Variants in PTPRD observed in about 807,000 individuals in gnomAD.
PTPRD encodes protein tyrosine phosphatase receptor type D.
A neutral mutation model predicts 214.5 loss-of-function variants in PTPRD; 34 were observed. That is an observed-to-expected ratio of 0.16 (90% CI 0.12 to 0.21). The LOEUF (loss-of-function observed/expected upper bound fraction) is 0.21, where lower values mean the gene tolerates loss of function less well. PTPRD is among the 10% of genes least tolerant of loss of function. The pLI, the probability that PTPRD is intolerant of heterozygous loss-of-function variation, is 1.00. For missense variants in PTPRD, 2,545 were observed against 2,398.7 expected, an observed-to-expected ratio of 1.06 and a Z score of -1.27; for synonymous variants, 1,128 against 845.7, an observed-to-expected ratio of 1.33 and a Z score of -5.79.
chr9:9,493,418 T>A lies in PTPRD; in HGVS notation c.-237+81314A>T, dbSNP rs142954463. On this transcript the variant is annotated intron_variant, in intron 8 of 45. Coordinates refer to ENST00000381196, the MANE Select transcript of PTPRD (RefSeq NM_002839.4). ...TACAAATATATGAATGTTGTTTTCA[T>A]GGCTGGTACCACAATAACCATTCTG... Among the ~76,000 whole-genome samples, 629 of 152,302 alleles carry A rather than the reference T, an allele frequency of 4.1e-3. 7 individuals are homozygous for A. Among genetic ancestry groups the A allele is most frequent in the African/African-American group, 0.014 (576 of 41,576 alleles).
intron 11 of PTPRD, among the ~76,000 whole-genome samples, chr9:8,955,369 G>C (rs1251926864): frequency 2.0e-5 from 3 of 151,822 alleles, no homozygotes; most frequent in Non-Finnish European, 2.9e-5. Flanking sequence ...GTCCTACTCA[G>C]AGGTGTCCCT....
chr9:9,294,790 T>C (rs1272818045), intron 9 of PTPRD, among the ~76,000 whole-genome samples: 3 of 151,694 alleles, frequency 2.0e-5, no homozygotes, highest in Admixed American at 6.6e-5. Context: ...TATTTTGTTA[T>C]GGTAGCCTGA....
chr9:10,487,016 T>G (rs1295462552), intron 2 of PTPRD, among the ~76,000 whole-genome samples: 1 of 152,330 alleles, frequency 6.6e-6, no homozygotes, highest in East Asian at 1.9e-4. Flanking sequence ...TTAAAACTGT[T>G]ATATCCTCTT....
intron 3 of PTPRD, among the ~76,000 whole-genome samples, chr9:10,335,720 T>C (rs924086954): frequency 4.6e-5 from 7 of 151,716 alleles, no homozygotes; most frequent in African/African-American, 1.7e-4. Flanking sequence ...TTATCTAAAA[T>C]ATACAAAGAA....
chr9:9,468,540 A>C (rs1248493048), intron 8 of PTPRD, among the ~76,000 whole-genome samples: 1 of 151,800 alleles, frequency 6.6e-6, no homozygotes. Context: ...TCTTTTTCTA[A>C]CTTCTTGATT....
At chr9:9,562,873 T>C (rs893506734) in intron 8 of PTPRD, among the ~76,000 whole-genome samples, 15 of 152,152 alleles carry the variant, frequency 9.9e-5, no homozygotes, top group African/African-American at 3.6e-4. Context: ...GATTATTCTA[T>C]CACCATCTCT....
intron 9 of PTPRD, among the ~76,000 whole-genome samples, chr9:9,340,067 G>T (rs1011198217): frequency 6.6e-6 from 1 of 152,120 alleles, no homozygotes; most frequent in Non-Finnish European, 1.5e-5. Context: ...AAGAGAGATA[G>T]ATAAATGGCA....
At chr9:8,997,626 C>A (rs998110266) in intron 11 of PTPRD, among the ~76,000 whole-genome samples, 1 of 152,010 alleles carries the variant, frequency 6.6e-6, no homozygotes, top group African/African-American at 2.4e-5. Context: ...AAATTATGCC[C>A]ATTAATAACC....
chr9:10,388,759 C>T (rs1047089432), intron 2 of PTPRD, among the ~76,000 whole-genome samples: 1 of 151,722 alleles, frequency 6.6e-6, no homozygotes, highest in Non-Finnish European at 1.5e-5. Context: ...TAGTTTCTTC[C>T]TCTTTAAAAG....
chr9:10,073,305 A>C lies in PTPRD; in HGVS notation c.-544-39515T>G, dbSNP rs1163565635. Among the ~76,000 whole-genome samples the C allele has an allele frequency of 2.0e-5, 3 of 152,226 alleles. No individual in the cohort carries two copies. The East Asian group carries it at 5.8e-4, about 30-fold the overall frequency. ...CAATCTCATTAAAGGGAGTAGGGTG[A>C]GCAGAAGGGGCTGCCATAAGTAACT... On this transcript the variant is annotated intron_variant, in intron 3 of 45. Coordinates refer to ENST00000381196, the MANE Select transcript of PTPRD (RefSeq NM_002839.4).
At chr9:9,008,527 C>G (rs115218127) in intron 11 of PTPRD, among the ~76,000 whole-genome samples, 1 of 151,846 alleles carries the variant, frequency 6.6e-6, no homozygotes, top group Non-Finnish European at 1.5e-5. Context: ...CGCCCGGCCT[C>G]CCCTTCATTA....
At chr9:9,055,925 T>C (rs923165108) in intron 10 of PTPRD, among the ~76,000 whole-genome samples, 80 of 152,110 alleles carry the variant, frequency 5.3e-4, no homozygotes, top group African/African-American at 1.9e-3. Flanking sequence ...TCTCATCAGC[T>C]CATTCCAAAG....
intron 3 of PTPRD, among the ~76,000 whole-genome samples, chr9:10,266,089 C>T (rs1176915711): frequency 6.6e-6 from 1 of 151,866 alleles, no homozygotes; most frequent in Non-Finnish European, 1.5e-5. Flanking sequence ...CTATGGAGAC[C>T]CACACCATCA....
chr9:8,655,688 T>C (rs1329636436), intron 12 of PTPRD, among the ~76,000 whole-genome samples: 1 of 152,098 alleles, frequency 6.6e-6, no homozygotes, highest in Non-Finnish European at 1.5e-5. Flanking sequence ...TTCACAATCT[T>C]TCTATTTTTT....
intron 7 of PTPRD, among the ~76,000 whole-genome samples, chr9:9,609,211 T>A (rs985895363): frequency 1.2e-4 from 19 of 152,118 alleles, no homozygotes; most frequent in African/African-American, 4.6e-4. Context: ...AAAAGCCCAA[T>A]ATTTAAAAAC....
intron 7 of PTPRD, among the ~76,000 whole-genome samples, chr9:9,684,378 A>T (rs571103669): frequency 2.6e-4 from 39 of 151,760 alleles, no homozygotes; most frequent in African/African-American, 9.4e-4. Context: ...TTAATATTTT[A>T]CTGAGGCATT....
chr9:8,969,614 T>C (rs978246843), intron 11 of PTPRD, among the ~76,000 whole-genome samples: 1 of 151,898 alleles, frequency 6.6e-6, no homozygotes, highest in Non-Finnish European at 1.5e-5. Flanking sequence ...TATAAAAAAG[T>C]ATGCAAATAA....
intron 11 of PTPRD, among the ~76,000 whole-genome samples, chr9:8,953,452 T>C (rs1044152092): frequency 2.0e-5 from 3 of 151,938 alleles, no homozygotes; most frequent in African/African-American, 7.2e-5. Flanking sequence ...AAAGAATTTG[T>C]AGCTAAGCCC....
intron 3 of PTPRD, among the ~76,000 whole-genome samples, chr9:10,146,145 T>C (rs2099020810): frequency 1.1e-5 from 1 of 91,316 alleles, no homozygotes; most frequent in South Asian, 6.2e-4. Flanking sequence ...TTAAGTGAAA[T>C]CATCCATATA....
Sources: allele counts gnomAD v4.1 joint callset (sites outside exome capture counted in the v4.1 genomes callset), GRCh38; gene constraint gnomAD v4.1.1; transcripts MANE v1.5; gene names NCBI Gene and HGNC (gene_info 2026-07-23, HGNC 2026-07-21).